DYRK4: variants seen among roughly 807,000 people sequenced by gnomAD.
DYRK4 encodes dual specificity tyrosine phosphorylation regulated kinase 4.
In DYRK4, 64 loss-of-function variants were observed where a neutral mutation model predicts 68.3. That is an observed-to-expected ratio of 0.94 (90% CI 0.77 to 1.15). The LOEUF is 1.15. Among genes scored for constraint, DYRK4 ranks in the 50% most tolerant of loss-of-function variants. DYRK4 has a pLI of 0.00. For missense variants in DYRK4, 740 were observed against 764.7 expected (o/e 0.97, Z 0.38); for synonymous variants, 274 against 289.9 (o/e 0.95, Z 0.56).
At chr12:4,610,398 T>C in intron 13 of DYRK4, 114 bp downstream of exon 13, 1 of 1,128,870 alleles carries the variant, frequency 8.9e-7, no homozygotes, top group Non-Finnish European at 1.2e-6. Context: ...TAACAAGAAA[T>C]GCTAACAATA....
At chr12:4,565,849 G>C (rs994406601) in intron 1 of DYRK4, among the ~76,000 whole-genome samples, 2 of 151,832 alleles carry the variant, frequency 1.3e-5, no homozygotes, top group Admixed American at 1.3e-4. Context: ...GGCTGGTCTT[G>C]AATTCCTGAC....
chr12:4,576,353 C>T (rs1359639968), intron 2 of DYRK4, among the ~76,000 whole-genome samples: 2 of 152,138 alleles, frequency 1.3e-5, no homozygotes, highest in Non-Finnish European at 2.9e-5. Context: ...AGCTTATTTC[C>T]TTTTATCAGT....
At chr12:4,563,028 C>G (rs147732812) in intron 1 of DYRK4, 1 of 455,966 alleles carries the variant, frequency 2.2e-6, no homozygotes, top group African/African-American at 2.0e-5. Context: ...GACAGCATCA[C>G]CAATATTAAT....
intron 10 of DYRK4, among the ~76,000 whole-genome samples, chr12:4,604,703 A>G (rs764507066): frequency 1.3e-5 from 2 of 152,364 alleles, no homozygotes; most frequent in Non-Finnish European, 2.9e-5. Context: ...TTCGTTATCA[A>G]TAAAGCAGGG....
At chr12:4,564,922 T>C in intron 1 of DYRK4, among the ~76,000 whole-genome samples, 1 of 152,142 alleles carries the variant, frequency 6.6e-6, no homozygotes. Flanking sequence ...ACACTAAAGC[T>C]CTTGACCAAG....
chr12:4,597,885 C>T (rs1307820402), intron 8 of DYRK4, among the ~76,000 whole-genome samples: 1 of 152,034 alleles, frequency 6.6e-6, no homozygotes, highest in South Asian at 2.1e-4. Flanking sequence ...ACTAAAAACA[C>T]ATCTCTACTA....
intron 1 of DYRK4, among the ~76,000 whole-genome samples, chr12:4,566,127 G>A (rs556790705): frequency 6.6e-6 from 1 of 152,168 alleles, no homozygotes; most frequent in Non-Finnish European, 1.5e-5. Context: ...TATCCCCACT[G>A]TCAGTGCCTT....
chr12:4,579,533 GA>G (rs1944821130), intron 2 of DYRK4, among the ~76,000 whole-genome samples: 2 of 152,070 alleles, frequency 1.3e-5, no homozygotes, highest in Admixed American at 1.3e-4. Flanking sequence ...TCATCTAAAT[GA>G]ATCACTCCCC....
Position 4,568,077 on chromosome 12 carries a change from A to AG in DYRK4, c.132+30dup, listed in dbSNP as rs1308672914. ...AAGATCCTTGAATTTTCACTGGGGA[A>AG]GAGAGGTATCATTGCGAGGTCCTAG... On this transcript the variant is annotated intron_variant, in intron 2 of 14. Transcript: ENST00000543431. 9 of 1,529,180 alleles carry AG rather than the reference A, an allele frequency of 5.9e-6. No homozygotes were observed. In the African/African-American group the frequency reaches 1.2e-4, roughly 21 times the overall value. 94.7% of individuals were successfully genotyped at this position (1,529,180 alleles called of 1,614,324 possible).
At chr12:4,590,237 T>A in intron 3 of DYRK4, 93 bp from the exon 4 acceptor site, 1 of 1,452,962 alleles carries the variant, frequency 6.9e-7, no homozygotes, top group Non-Finnish European at 9.0e-7. Context: ...TCATTCTTGT[T>A]GGGGAATTGG....
At position 4,590,413 on chromosome 12, in the gene DYRK4, C is replaced by T; in HGVS notation, c.297C>T (p.Val99=). Residue 99 remains valine (V), a synonymous_variant, in exon 4 of 15, where the codon GTC becomes GTT. Transcript: ENST00000543431. ...TVSFPHISKK[V]LLKSSLLYQE... ...GCTTCCCACACATTAGCAAGAAAGT[C>T]CTGCTGAAGTCATCCCTGCTGTATC... 6.5e-7 allele frequency: 1 copy of T among 1,535,918 alleles called. No homozygotes were observed. The highest frequency in any genetic ancestry group is 8.7e-7 in the Non-Finnish European group (1 of 1,146,842).
rs1411199315 is a variant in DYRK4 at position 4,562,302 on chromosome 12, C to G, written c.38+19C>G. ...GAACAAAGTAAGGGCCGCGGAGGCT[C>G]GTACTTCACGAGCAGTCAGGCGCGA... On this transcript the variant is annotated intron_variant, in intron 1 of 14. Transcript: ENST00000543431. 3 of 1,531,152 alleles carry G rather than the reference C, an allele frequency of 2.0e-6. No homozygotes were observed. The highest frequency in any genetic ancestry group is 2.6e-6 in the Non-Finnish European group (3 of 1,144,662). 94.8% of individuals were successfully genotyped at this position (1,531,152 alleles called of 1,614,324 possible).
At chr12:4,575,767 A>G (rs934818468) in intron 2 of DYRK4, among the ~76,000 whole-genome samples, 5 of 151,878 alleles carry the variant, frequency 3.3e-5, no homozygotes, top group Non-Finnish European at 7.4e-5. Flanking sequence ...GTCCTTTTTT[A>G]TTGATTTACA....
chr12:4,573,216 C>T, intron 2 of DYRK4: 5 of 857,904 alleles, frequency 5.8e-6, no homozygotes, highest in Non-Finnish European at 8.2e-6. Flanking sequence ...AGCAGCCAAT[C>T]TAGAATCAGT....
intron 3 of DYRK4, 112 bp downstream of exon 3, chr12:4,589,129 C>A: frequency 3.3e-6 from 3 of 910,902 alleles, no homozygotes; most frequent in Non-Finnish European, 3.4e-6. Flanking sequence ...TGTATCATAA[C>A]ATGATGACAG....
intron 2 of DYRK4, among the ~76,000 whole-genome samples, chr12:4,582,304 C>T (rs917843692): frequency 2.0e-5 from 3 of 151,960 alleles, no homozygotes; most frequent in Non-Finnish European, 2.9e-5. Flanking sequence ...ATTAGCCAGG[C>T]GTGGTGGCGC....
chr12:4,570,040 A>AAATAATAAT (rs58464815), intron 2 of DYRK4, among the ~76,000 whole-genome samples: 39 of 141,234 alleles, frequency 2.8e-4, no homozygotes, highest in Middle Eastern at 7.3e-3. Context: ...CTGTCGCTAT[A>AAATAATAAT]AATAATAATA....
chr12:4,611,474 G>C (rs935419849), intron 13 of DYRK4, among the ~76,000 whole-genome samples: 1 of 152,090 alleles, frequency 6.6e-6, no homozygotes, highest in Non-Finnish European at 1.5e-5. Context: ...GATGGGGACT[G>C]TTATCTTATA....
At position 4,562,241 on chromosome 12, in the gene DYRK4, G is replaced by C; in HGVS notation, c.-5G>C. On this transcript the variant is annotated 5_prime_UTR_variant, in exon 1 of 15. Coordinates refer to ENST00000543431, the MANE Select transcript of DYRK4 (RefSeq NM_001394779.1). ...CCGCAGCGGCGGGCGGTCAGCGCCG[G>C]CCTCATGCAGCTCCTCCCGCCGCCT... is the stretch of plus-strand genomic sequence containing the variant. 1.3e-6 allele frequency: 2 copies of C among 1,530,582 alleles called. No individual in the cohort carries two copies. The highest frequency in any genetic ancestry group is 1.7e-6 in the Non-Finnish European group (2 of 1,144,424). The allele number at this position is 1,530,582 out of a possible 1,614,324, so 94.8% of individuals were successfully genotyped here.
Sources: gnomAD v4.1 joint callset for allele counts (sites outside exome capture counted in the v4.1 genomes callset) on GRCh38, gnomAD v4.1.1 for gene constraint, MANE v1.5 for transcripts, NCBI Gene and HGNC (gene_info 2026-07-23, HGNC 2026-07-21) for gene names.